The following OR51B5 variants were observed in gnomAD, a reference collection of about 807,000 sequenced individuals.
OR51B5 encodes the protein olfactory receptor family 51 subfamily B member 5.
For synonymous variants in OR51B5, 186 were observed against 144.8 expected, an observed-to-expected ratio of 1.28 and a Z score of -2.04; for missense variants, 456 against 374.6, an observed-to-expected ratio of 1.22 and a Z score of -1.79.
intron 1 of OR51B5, among the ~76,000 whole-genome samples, chr11:5,452,231 A>T (rs907502226): frequency 6.6e-6 from 1 of 152,124 alleles, no homozygotes; most frequent in African/African-American, 2.4e-5. Flanking sequence ...GGGGCCGGGC[A>T]CGGTGGCTCA....
Position 5,489,260 on chromosome 11 carries a change from T to C in OR51B5, n.84+16309A>G, listed in dbSNP as rs758180405. ...ATGACACACACATACTGTGAGCATA[T>C]GGGCATTGCCCGACTGGCCTGTGCC... On this transcript the variant is annotated intron_variant and non_coding_transcript_variant, in intron 1 of 4. Transcript: ENST00000415970. 5.0e-6 allele frequency: 8 copies of C among 1,613,922 alleles called. No individual in the cohort carries two copies. In the African/African-American group the frequency reaches 1.1e-4, roughly 22 times the overall value.
upstream of OR51B5, chr11:5,343,564 A>G (rs114128583): frequency 1.1e-3 from 769 of 687,654 alleles, 8 homozygotes; most frequent in African/African-American, 0.012. Flanking sequence ...TGTTTCTGTT[A>G]TTACCACAGT....
chr11:5,447,711 G>T (rs373278261), intron 1 of OR51B5, among the ~76,000 whole-genome samples: 276 of 152,196 alleles, frequency 1.8e-3, no homozygotes, highest in African/African-American at 6.4e-3. Context: ...GCTGGGGCAG[G>T]AAGAAGGAAC....
intron 1 of OR51B5, among the ~76,000 whole-genome samples, chr11:5,393,913 T>A (rs999525227): frequency 1.3e-5 from 2 of 152,186 alleles, no homozygotes; most frequent in Admixed American, 1.3e-4. Flanking sequence ...ACCACTCGTT[T>A]CAGGGCCATG....
chr11:5,385,120 G>C (rs907333064), intron 1 of OR51B5, among the ~76,000 whole-genome samples: 24 of 152,152 alleles, frequency 1.6e-4, no homozygotes, highest in African/African-American at 5.3e-4. Flanking sequence ...TTTCTCCTGT[G>C]ATCTAAGATG....
intron 1 of OR51B5, among the ~76,000 whole-genome samples, chr11:5,464,439 C>CCCCCCCCCCCCCCCCCT (rs1851106179): frequency 6.8e-6 from 1 of 146,576 alleles, no homozygotes; most frequent in African/African-American, 2.5e-5. Flanking sequence ...CCCTCCCCCC[C>CCCCCCCCCCCCCCCCCT]ACCCACCCCA....
rs139102367 is a variant in OR51B5, at chr11:5,454,368, G to A, written n.84+51201C>T. On this transcript the variant is annotated intron_variant and non_coding_transcript_variant, in intron 1 of 4. Transcript: ENST00000415970. ...TGTGCTCAACCCTCTCATTTATAGC[G>A]CCAAGACAAAGGAAATCCGCCGAGC... 6.7e-3 allele frequency: 10,743 copies of A among 1,613,164 alleles called. 65 individuals carry two copies. The highest frequency in any genetic ancestry group is 0.013 in the Middle Eastern group (81 of 6,062).
At chr11:5,374,992 C>G (rs373774855) in intron 1 of OR51B5, among the ~76,000 whole-genome samples, 1,535 of 151,126 alleles carry the variant, frequency 0.01, 14 homozygotes, top group African/African-American at 0.018. Flanking sequence ...ACGCCACAAA[C>G]ATACTCCTCG....
rs1047434174 is a variant in OR51B5, at chr11:5,413,913, G to A, written n.85-67003C>T. The stretch of plus-strand genomic sequence containing the variant: ...ATCTAGCAGGGCAGGCAAACATTCA[G>A]ATTCAGGAAATACAGAGAACGCCAC... On this transcript the variant is annotated intron_variant and non_coding_transcript_variant, in intron 1 of 4. Coordinates refer to the OR51B5 transcript ENST00000415970. Among the ~76,000 whole-genome samples the A allele has an allele frequency of 3.6e-4, 54 of 148,936 alleles. 1 individual carries two copies. Among genetic ancestry groups the A allele is most frequent in the Admixed American group, 2.7e-3 (40 of 14,766 alleles).
intron 1 of OR51B5, among the ~76,000 whole-genome samples, chr11:5,434,152 G>A (rs150127321): frequency 5.8e-4 from 89 of 152,294 alleles, no homozygotes; most frequent in Non-Finnish European, 1.1e-3. Flanking sequence ...TCAGGGTGTA[G>A]TACCTAATTA....
intron 1 of OR51B5, among the ~76,000 whole-genome samples, chr11:5,399,667 C>G (rs191042944): frequency 1.8e-4 from 27 of 151,782 alleles, no homozygotes; most frequent in Middle Eastern, 3.4e-3. Context: ...CAAACAAATC[C>G]TAAACTCAGG....
At chr11:5,479,642 G>A (rs888525599) in intron 1 of OR51B5, among the ~76,000 whole-genome samples, 3 of 152,024 alleles carry the variant, frequency 2.0e-5, no homozygotes, top group South Asian at 2.1e-4. Flanking sequence ...ACACACGTAG[G>A]CTCAAAATAA....
intron 1 of OR51B5, among the ~76,000 whole-genome samples, chr11:5,477,431 G>A (rs999687214): frequency 4.6e-5 from 7 of 152,058 alleles, no homozygotes; most frequent in Non-Finnish European, 8.8e-5. Flanking sequence ...GAGCATTCCT[G>A]CCTGCATTCA....
chr11:5,419,195 A>T (rs1850291992), intron 1 of OR51B5, among the ~76,000 whole-genome samples: 2 of 152,220 alleles, frequency 1.3e-5, no homozygotes, highest in South Asian at 4.1e-4. Context: ...TGTCACAGAC[A>T]TCCCAAAATC....
At chr11:5,348,442 T>G (rs1325083879), upstream of OR51B5, among the ~76,000 whole-genome samples, 1 of 152,118 alleles carries the variant, frequency 6.6e-6, no homozygotes, top group Non-Finnish European at 1.5e-5. Context: ...TCCAAATTCT[T>G]GAGGAGGTAT....
chr11:5,361,843 C>T (rs1003822982), intron 1 of OR51B5, among the ~76,000 whole-genome samples: 1 of 152,068 alleles, frequency 6.6e-6, no homozygotes, highest in Non-Finnish European at 1.5e-5. Context: ...TTATCTATTT[C>T]CTTTGTTGCT....
At chr11:5,402,906 G>T (rs1385296175) in intron 1 of OR51B5, 1 of 471,124 alleles carries the variant, frequency 2.1e-6, no homozygotes. Context: ...TCTTTTTCCA[G>T]ATGTTCTCCA....
chr11:5,496,038 T>C (rs1851645963), intron 1 of OR51B5, among the ~76,000 whole-genome samples: 1 of 151,996 alleles, frequency 6.6e-6, no homozygotes, highest in East Asian at 1.9e-4. Flanking sequence ...GGTACACCGG[T>C]GTGATAAGTC....
chr11:5,469,586 A>G (rs1328933174), intron 1 of OR51B5, among the ~76,000 whole-genome samples: 4 of 152,140 alleles, frequency 2.6e-5, no homozygotes, highest in Non-Finnish European at 5.9e-5. Context: ...ACCAGATTAC[A>G]TTTCAGACCT....
Sources: gnomAD v4.1 joint callset for allele counts (sites outside exome capture counted in the v4.1 genomes callset) on GRCh38, gnomAD v4.1.1 for gene constraint, MANE v1.5 for transcripts, NCBI Gene and HGNC (gene_info 2026-07-23, HGNC 2026-07-21) for gene names.